KIF6: variants seen among roughly 807,000 people sequenced by gnomAD.
The protein encoded by KIF6 is kinesin family member 6.
KIF6 carries 106 observed loss-of-function variants against 112.7 expected under a neutral mutation model. The observed-to-expected ratio is 0.94, with a 90% CI of 0.80 to 1.11. The LOEUF is 1.11. Among genes scored for constraint, KIF6 ranks in the 50% least tolerant of loss-of-function variants. The probability of loss-of-function intolerance (pLI) is 0.00; values close to 1 mark genes in which losing one functional copy is unlikely to be tolerated. For missense variants in KIF6, 929 were observed against 964.0 expected (o/e 0.96, Z 0.48); for synonymous variants, 339 against 339.9 (o/e 1.00, Z 0.03).
At chr6:39,545,521 A>T in intron 11 of KIF6, 62 bp downstream of exon 11, 1 of 1,238,514 alleles carries the variant, frequency 8.1e-7, no homozygotes, top group Non-Finnish European at 1.2e-6. Flanking sequence ...CAACTAGAAA[A>T]GTTTTTTTGC....
intron 15 of KIF6, among the ~76,000 whole-genome samples, chr6:39,414,107 T>C (rs1769715525): frequency 6.6e-6 from 1 of 152,240 alleles, no homozygotes; most frequent in Non-Finnish European, 1.5e-5. Context: ...TCTTGGCTTT[T>C]ATATTTCTTA....
At chr6:39,693,065 G>A (rs1024862005) in intron 3 of KIF6, among the ~76,000 whole-genome samples, 3 of 152,188 alleles carry the variant, frequency 2.0e-5, no homozygotes, top group East Asian at 1.9e-4. Context: ...TGGAACTGGC[G>A]TACAGCTGCG....
chr6:39,548,743 T>A (rs1026001646), intron 10 of KIF6, among the ~76,000 whole-genome samples: 2 of 152,200 alleles, frequency 1.3e-5, no homozygotes, highest in African/African-American at 2.4e-5. Flanking sequence ...CCCTGCTCCC[T>A]CTAAGGGGTC....
chr6:39,588,692 A>G (rs1781769962), intron 7 of KIF6, among the ~76,000 whole-genome samples: 1 of 152,028 alleles, frequency 6.6e-6, no homozygotes. Flanking sequence ...CTCACCCATT[A>G]TTATTAAGGC....
intron 16 of KIF6, among the ~76,000 whole-genome samples, chr6:39,372,072 C>T (rs1446344413): frequency 1.3e-5 from 2 of 152,218 alleles, no homozygotes; most frequent in East Asian, 3.9e-4. Context: ...CACAGTTGGC[C>T]TGAGTTGGGG....
intron 5 of KIF6, among the ~76,000 whole-genome samples, chr6:39,622,993 C>T (rs1020808349): frequency 3.3e-5 from 5 of 152,192 alleles, no homozygotes; most frequent in African/African-American, 4.8e-5. Flanking sequence ...AAGGAACAGA[C>T]TATTTGGTTA....
chr6:39,612,547 T>A (rs564961343), intron 6 of KIF6, among the ~76,000 whole-genome samples: 1 of 152,326 alleles, frequency 6.6e-6, no homozygotes, highest in South Asian at 2.1e-4. Context: ...AGGAACTCAG[T>A]TAAATTTGAA....
chr6:39,432,373 A>G (rs1323077220), intron 13 of KIF6, among the ~76,000 whole-genome samples: 1 of 152,174 alleles, frequency 6.6e-6, no homozygotes, highest in Middle Eastern at 3.2e-3. Context: ...TCTGAGGCCA[A>G]GGGTTCCGCA....
At chr6:39,673,983 T>C (rs1001129832) in intron 3 of KIF6, among the ~76,000 whole-genome samples, 1 of 152,104 alleles carries the variant, frequency 6.6e-6, no homozygotes, top group Non-Finnish European at 1.5e-5. Flanking sequence ...AAAGATCAAA[T>C]TGATATGAGA....
intron 3 of KIF6, among the ~76,000 whole-genome samples, chr6:39,708,513 G>C (rs1789345163): frequency 6.6e-6 from 1 of 152,028 alleles, no homozygotes; most frequent in Non-Finnish European, 1.5e-5. Context: ...CCAGCTACTG[G>C]GACTGTGTCA....
chr6:39,510,872 C>CAAAAAAAAAAAAAAAA (rs1180631310), intron 13 of KIF6, among the ~76,000 whole-genome samples: 14 of 23,858 alleles, frequency 5.9e-4, no homozygotes, highest in Admixed American at 1.9e-3. Flanking sequence ...AAATGGGAAG[C>CAAAAAAAAAAAAAAAA]AAAAAAAAAA....
chr6:39,684,327 C>A (rs1236972387), intron 3 of KIF6, among the ~76,000 whole-genome samples: 2 of 152,050 alleles, frequency 1.3e-5, no homozygotes, highest in Non-Finnish European at 2.9e-5. Flanking sequence ...CATGGAGAAA[C>A]CCCATCTCTA....
chr6:39,387,372 C>T (rs1767514967), intron 15 of KIF6, among the ~76,000 whole-genome samples: 1 of 152,166 alleles, frequency 6.6e-6, no homozygotes, highest in South Asian at 2.1e-4. Context: ...CATCACCAGT[C>T]CTTAGGTAAT....
At chr6:39,586,595 G>T (rs1267016992) in intron 7 of KIF6, among the ~76,000 whole-genome samples, 191 bp from the exon 8 acceptor site, 1 of 152,200 alleles carries the variant, frequency 6.6e-6, no homozygotes, top group African/African-American at 2.4e-5. Context: ...ACTGAATAAA[G>T]TAAATGTAGT....
At chr6:39,675,717 C>T (rs1444320097) in intron 3 of KIF6, among the ~76,000 whole-genome samples, 2 of 151,186 alleles carry the variant, frequency 1.3e-5, no homozygotes, top group Non-Finnish European at 2.9e-5. Context: ...TATTAAATAC[C>T]CAAAATAAGT....
At chr6:39,491,307 G>A (rs2150476391) in intron 13 of KIF6, among the ~76,000 whole-genome samples, 1 of 152,074 alleles carries the variant, frequency 6.6e-6, no homozygotes, top group African/African-American at 2.4e-5. Flanking sequence ...GAGAGGCCCT[G>A]AGCCAGTGTG....
intron 19 of KIF6, among the ~76,000 whole-genome samples, chr6:39,348,801 C>T (rs980612647): frequency 3.9e-5 from 6 of 152,186 alleles, no homozygotes; most frequent in South Asian, 2.1e-4. Context: ...AGAAGACCAG[C>T]GCCCCGCTAC....
At chr6:39,563,134 G>A (rs550738831) in intron 10 of KIF6, among the ~76,000 whole-genome samples, 4 of 152,264 alleles carry the variant, frequency 2.6e-5, no homozygotes, top group African/African-American at 9.6e-5. Context: ...CCAGATACTA[G>A]GAAGGCTGAG....
intron 3 of KIF6, among the ~76,000 whole-genome samples, chr6:39,712,731 T>A (rs542603149): frequency 1.4e-4 from 21 of 151,970 alleles, no homozygotes; most frequent in Non-Finnish European, 2.5e-4. Context: ...ATGTTCTCAC[T>A]CATAGGTGGG....
Sources: gnomAD v4.1 joint callset for allele counts (sites outside exome capture counted in the v4.1 genomes callset) on GRCh38, gnomAD v4.1.1 for gene constraint, MANE v1.5 for transcripts, NCBI Gene and HGNC (gene_info 2026-07-23, HGNC 2026-07-21) for gene names.